Variants in RANBP2 observed in about 807,000 individuals in gnomAD.
RANBP2 encodes RAN binding protein 2.
Under a neutral mutation model 303.6 loss-of-function variants are expected in RANBP2, and 57 were observed. The observed-to-expected ratio is 0.19, with a 90% confidence interval of 0.15 to 0.23. The LOEUF is 0.23. RANBP2 is among the 10% of genes least tolerant of loss of function. RANBP2 has a pLI of 1.00. For synonymous variants in RANBP2, 1,167 were observed against 1,301.5 expected, an observed-to-expected ratio of 0.90 and a Z score of 2.23; for missense variants, 3,138 against 3,780.8, an observed-to-expected ratio of 0.83 and a Z score of 4.46.
the RANBP2 span, among the ~76,000 whole-genome samples, chr2:109,190,648 A>G: frequency 6.6e-6 from 1 of 152,032 alleles, no homozygotes; most frequent in Non-Finnish European, 1.5e-5. Flanking sequence ...AATCTTTCTT[A>G]TTGTTTCATT....
At chr2:109,465,353 G>A in the RANBP2 span, among the ~76,000 whole-genome samples, 1 of 152,212 alleles carries the variant, frequency 6.6e-6, no homozygotes, top group African/African-American at 2.4e-5. Flanking sequence ...GAGTATGTAA[G>A]AGTATGTGCT....
At chr2:109,723,666 A>T in the RANBP2 span, among the ~76,000 whole-genome samples, 5 of 151,976 alleles carry the variant, frequency 3.3e-5, no homozygotes, top group African/African-American at 1.2e-4. Flanking sequence ...TGGACATTAG[A>T]CCTTTGTCAG....
At chr2:109,674,978 T>C in the RANBP2 span, among the ~76,000 whole-genome samples, 4 of 152,144 alleles carry the variant, frequency 2.6e-5, no homozygotes, top group Non-Finnish European at 5.9e-5. Flanking sequence ...CAGCTACTTT[T>C]TTTCTTTTAG....
chr2:109,679,006 T>G, the RANBP2 span, among the ~76,000 whole-genome samples: 32 of 152,334 alleles, frequency 2.1e-4, 2 homozygotes, highest in East Asian at 6.2e-3. Context: ...TAAAGGCACC[T>G]CGAACACTGG....
chr2:109,686,304 CA>C, the RANBP2 span, among the ~76,000 whole-genome samples: 1 of 152,018 alleles, frequency 6.6e-6, no homozygotes, highest in African/African-American at 2.4e-5. Context: ...ATGTTTAAGT[CA>C]ATTGGTTTTA....
At chr2:108,772,390 G>A (rs700876) in intron 21 of RANBP2, 99 bp from the exon 22 acceptor site, 212,986 of 889,818 alleles carry the variant, frequency 0.24, 27,316 homozygotes, top group African/African-American at 0.36. Flanking sequence ...CTGCAATTCA[G>A]ATGTGGAGAG....
the RANBP2 span, among the ~76,000 whole-genome samples, chr2:108,800,608 CTTTTTTTTTTTT>C: frequency 1.5e-4 from 5 of 33,492 alleles, no homozygotes; most frequent in African/African-American, 5.7e-4. Flanking sequence ...CTCAGTTTAG[CTTTTTTTTTTTT>C]TTTTTTTTTT....
chr2:108,730,628 C>T (rs1695091081), intron 2 of RANBP2, 146 bp from the exon 3 acceptor site: 2 of 1,145,762 alleles, frequency 1.7e-6, no homozygotes, highest in Admixed American at 2.2e-5. Flanking sequence ...ATGAGTACTT[C>T]TGAGTTATCT....
the RANBP2 span, among the ~76,000 whole-genome samples, chr2:109,767,001 T>C: frequency 1.4e-5 from 2 of 142,488 alleles, no homozygotes; most frequent in African/African-American, 5.3e-5. Context: ...GCCCCAACCT[T>C]GCTTTCTGTT....
At chr2:108,851,020 C>G in the RANBP2 span, among the ~76,000 whole-genome samples, 1 of 152,196 alleles carries the variant, frequency 6.6e-6, no homozygotes, top group African/African-American at 2.4e-5. Context: ...GTCCGGCCCT[C>G]TGGAACTTCT....
the RANBP2 span, among the ~76,000 whole-genome samples, chr2:109,153,400 G>A: frequency 4.8e-4 from 73 of 152,270 alleles, 1 homozygote; most frequent in South Asian, 0.012. Flanking sequence ...AGGCAATTAC[G>A]CTGATTTTGC....
At chr2:108,869,685 CAAG>C in the RANBP2 span, among the ~76,000 whole-genome samples, 1 of 151,760 alleles carries the variant, frequency 6.6e-6, no homozygotes, top group Non-Finnish European at 1.5e-5. Context: ...CCAGAGGAAA[CAAG>C]AAAAAAAGAA....
At chr2:108,920,821 G>A in the RANBP2 span, among the ~76,000 whole-genome samples, 1 of 152,204 alleles carries the variant, frequency 6.6e-6, no homozygotes, top group African/African-American at 2.4e-5. Flanking sequence ...GTGCTTCTGG[G>A]AGGATTTGGT....
chr2:109,397,673 T>C, the RANBP2 span, among the ~76,000 whole-genome samples: 1 of 152,176 alleles, frequency 6.6e-6, no homozygotes, highest in Non-Finnish European at 1.5e-5. Context: ...TCACAGCTGG[T>C]ACCTCCCCAG....
chr2:109,640,095 CT>C, the RANBP2 span, among the ~76,000 whole-genome samples: 2 of 149,932 alleles, frequency 1.3e-5, no homozygotes, highest in Non-Finnish European at 3.0e-5. Context: ...CTTCTGCCTT[CT>C]ATTTTTTTTT....
the RANBP2 span, among the ~76,000 whole-genome samples, chr2:109,604,489 G>A: frequency 7.3e-5 from 11 of 151,526 alleles, no homozygotes; most frequent in African/African-American, 2.2e-4. Flanking sequence ...CACTTTGGGA[G>A]GCCGAGGCGG....
chr2:109,585,163 T>C, the RANBP2 span: 1 of 1,605,220 alleles, frequency 6.2e-7, no homozygotes, highest in Non-Finnish European at 8.5e-7. Context: ...AATCCCACTG[T>C]ATTCACAATG....
At chr2:109,666,339 T>C in the RANBP2 span, among the ~76,000 whole-genome samples, 1 of 152,198 alleles carries the variant, frequency 6.6e-6, no homozygotes, top group African/African-American at 2.4e-5. Flanking sequence ...CTCTGAATTC[T>C]TTAATTCTGA....
intron 9 of RANBP2, among the ~76,000 whole-genome samples, chr2:108,750,470 G>C (rs1360373572): frequency 1.3e-5 from 2 of 152,208 alleles, no homozygotes; most frequent in Non-Finnish European, 2.9e-5. Flanking sequence ...CAGAATTAGA[G>C]ACAAAGGCCA....
Sources: gnomAD v4.1 joint callset for allele counts (sites outside exome capture counted in the v4.1 genomes callset) on GRCh38, gnomAD v4.1.1 for gene constraint, MANE v1.5 for transcripts, NCBI Gene and HGNC (gene_info 2026-07-23, HGNC 2026-07-21) for gene names.